Variants in PRORP observed in about 807,000 individuals in gnomAD.
PRORP encodes the protein protein only RNase P catalytic subunit, also known as mitochondrial ribonuclease P catalytic subunit.
PRORP carries 51 observed loss-of-function variants against 59.4 expected under a neutral mutation model. The observed-to-expected ratio is 0.86, with a 90% CI of 0.69 to 1.08. The LOEUF is 1.08. Among genes scored for constraint, PRORP ranks in the 50% least tolerant of loss-of-function variants. The pLI is 0.00. For synonymous variants in PRORP, 231 were observed against 245.6 expected (o/e 0.94, Z 0.55); for missense variants, 646 against 690.3 (o/e 0.94, Z 0.72).
At chr14:35,180,839 G>T (rs2048587577) in intron 5 of PRORP, 62 bp downstream of exon 5, 1 of 1,103,472 alleles carries the variant, frequency 9.1e-7, no homozygotes, top group Non-Finnish European at 1.4e-6. Context: ...ACCCATTTAT[G>T]ACCTTCTTGG....
intron 4 of PRORP, among the ~76,000 whole-genome samples, chr14:35,171,954 T>C (rs1459573068): frequency 1.3e-5 from 2 of 152,168 alleles, no homozygotes; most frequent in African/African-American, 4.8e-5. Context: ...ACATTTGTGC[T>C]TTTTGGTTCT....
intron 5 of PRORP, among the ~76,000 whole-genome samples, chr14:35,255,409 C>T (rs1342144654): frequency 6.6e-6 from 1 of 152,200 alleles, no homozygotes; most frequent in African/African-American, 2.4e-5. Flanking sequence ...GGATTACAGG[C>T]ATGAGCCACC....
chr14:35,154,833 G>A (rs1239354909), intron 4 of PRORP, among the ~76,000 whole-genome samples: 1 of 152,164 alleles, frequency 6.6e-6, no homozygotes, highest in Non-Finnish European at 1.5e-5. Flanking sequence ...CTGAACACCA[G>A]TTATTGGAGT....
chr14:35,124,196 G>A lies in PRORP; in HGVS notation c.951G>A (p.Glu317=). The A allele has an allele frequency of 6.3e-7, 1 of 1,584,686 alleles. No individual in the cohort carries two copies. The highest frequency in any genetic ancestry group is 1.2e-5 in the South Asian group (1 of 86,676). The change falls in exon 2 of 8, where the codon GAG becomes GAA. Residue 317 remains glutamate, a synonymous_variant. Transcript: ENST00000534898. ...GAAATAATCAGCTGTATCCAGGGGAGTCATTTGCACACAGTATAAAAACAT... is the reference window on the plus strand; with the variant it reads ...GAAATAATCAGCTGTATCCAGGGGAATCATTTGCACACAGTATAAAAACAT... ...YLRNNQLYPG[E]SFAHSIKTWF... is the part of the protein sequence containing the mutation.
intron 5 of PRORP, among the ~76,000 whole-genome samples, chr14:35,256,663 G>A (rs555879197): frequency 5.3e-5 from 8 of 151,620 alleles, no homozygotes; most frequent in Non-Finnish European, 1.0e-4. Context: ...CTTATATTTA[G>A]AAATGCATTC....
At chr14:35,179,343 G>C (rs947189313) in intron 4 of PRORP, among the ~76,000 whole-genome samples, 6 of 152,176 alleles carry the variant, frequency 3.9e-5, no homozygotes, top group Admixed American at 1.3e-4. Flanking sequence ...TTTCCAACTT[G>C]GTTCCATTCT....
chr14:35,231,885 A>G (rs2050090378), intron 5 of PRORP, among the ~76,000 whole-genome samples: 1 of 152,234 alleles, frequency 6.6e-6, no homozygotes. Flanking sequence ...TGAAAGTCAC[A>G]TATACACAAG....
chr14:35,182,976 A>G (rs1378720748), intron 5 of PRORP, among the ~76,000 whole-genome samples: 2 of 152,214 alleles, frequency 1.3e-5, no homozygotes. Flanking sequence ...CTAAATATCT[A>G]TCAATCTTAA....
In PRORP at chr14:35,141,737, G is replaced by C. The variant is rs1392244889; in HGVS notation, c.1167+14126G>C. ...ATTAACTCATGACCACTTTTTTTTT[G>C]ACAGGGTCTTGCTCTGTCACCTAAG... On this transcript the variant is annotated intron_variant, in intron 4 of 7. Transcript: ENST00000534898. Among the ~76,000 whole-genome samples the C allele has an allele frequency of 1.4e-5, 2 of 142,974 alleles. 1 individual carries two copies. The highest frequency in any genetic ancestry group is 4.9e-5 in the African/African-American group (2 of 40,540). 93.8% of individuals were successfully genotyped at this position (142,974 alleles called of 152,430 possible).
intron 5 of PRORP, among the ~76,000 whole-genome samples, chr14:35,214,401 G>T (rs1018355394): frequency 1.3e-5 from 2 of 152,132 alleles, no homozygotes. Flanking sequence ...CTCATATTAC[G>T]ATTTTGTTTT....
chr14:35,269,330 G>C (rs2051128394), intron 6 of PRORP, among the ~76,000 whole-genome samples: 1 of 152,202 alleles, frequency 6.6e-6, no homozygotes, highest in African/African-American at 2.4e-5. Context: ...AATTTGAAGT[G>C]TTATGACCAA....
At chr14:35,212,689 G>A (rs2049480571) in intron 5 of PRORP, among the ~76,000 whole-genome samples, 1 of 152,210 alleles carries the variant, frequency 6.6e-6, no homozygotes. Context: ...ATAAAGCACA[G>A]GCAGGGTAGA....
At chr14:35,172,872 A>AT (rs34525963) in intron 4 of PRORP, among the ~76,000 whole-genome samples, 4,441 of 136,010 alleles carry the variant, frequency 0.033, 187 homozygotes, top group African/African-American at 0.1. Context: ...AGCCAGTTTC[A>AT]TTTTTTTTTT....
chr14:35,147,276 G>T (rs2047635118), intron 4 of PRORP, among the ~76,000 whole-genome samples: 1 of 152,196 alleles, frequency 6.6e-6, no homozygotes, highest in Admixed American at 6.5e-5. Flanking sequence ...GGCAAGTCTT[G>T]CCTTGATGTT....
chr14:35,195,885 T>C (rs1022636687), intron 5 of PRORP, among the ~76,000 whole-genome samples: 5 of 152,186 alleles, frequency 3.3e-5, no homozygotes, highest in South Asian at 2.1e-4. Flanking sequence ...GGAGTTACTT[T>C]AGTATTATAA....
At chr14:35,148,903 A>G (rs971163670) in intron 4 of PRORP, among the ~76,000 whole-genome samples, 3 of 137,776 alleles carry the variant, frequency 2.2e-5, no homozygotes, top group African/African-American at 5.4e-5. Context: ...TACATGTTGC[A>G]CTTTTTAATT....
intron 4 of PRORP, among the ~76,000 whole-genome samples, chr14:35,135,957 C>CAAA (rs112374315): frequency 2.2e-5 from 2 of 91,702 alleles, no homozygotes; most frequent in Non-Finnish European, 2.2e-5. Context: ...GACTCTGTCT[C>CAAA]AAAAAAAAAA....
intron 4 of PRORP, among the ~76,000 whole-genome samples, chr14:35,170,534 A>G (rs946993210): frequency 1.3e-5 from 2 of 152,194 alleles, no homozygotes; most frequent in African/African-American, 4.8e-5. Flanking sequence ...CATGAAATAT[A>G]AGAACATTAT....
intron 5 of PRORP, among the ~76,000 whole-genome samples, chr14:35,229,614 C>T (rs1479587719): frequency 6.6e-6 from 1 of 152,146 alleles, no homozygotes; most frequent in East Asian, 1.9e-4. Flanking sequence ...AGTATGCCAA[C>T]CTTTTCATTT....
Sources: gnomAD v4.1 joint callset for allele counts (sites outside exome capture counted in the v4.1 genomes callset) on GRCh38, gnomAD v4.1.1 for gene constraint, MANE v1.5 for transcripts, NCBI Gene and HGNC (gene_info 2026-07-23, HGNC 2026-07-21) for gene names.